Variants in MUL1 observed in about 807,000 individuals in gnomAD.
MUL1 encodes mitochondrial E3 ubiquitin protein ligase 1.
A neutral mutation model predicts 34.1 loss-of-function variants in MUL1; 30 were observed. That is an observed-to-expected ratio of 0.88 (90% CI 0.66 to 1.19). MUL1 has a LOEUF of 1.19. MUL1 is among the 50% of genes most tolerant of loss of function. MUL1 has a pLI of 0.00. For synonymous variants in MUL1, 191 were observed against 187.8 expected (o/e 1.02, Z -0.14); for missense variants, 419 against 450.5 (o/e 0.93, Z 0.63).
Position 20,500,671 on chromosome 1 carries a change from C to G in MUL1, c.*19G>C. ...GGGGCAGGGGTGCTTCCAGGTCAAGCTGTGCGGCTTCCAAACTATTAGCTG... is the reference window on the plus strand; with the variant it reads ...GGGGCAGGGGTGCTTCCAGGTCAAGGTGTGCGGCTTCCAAACTATTAGCTG... On this transcript the variant is annotated 3_prime_UTR_variant, in exon 4 of 4. Coordinates refer to ENST00000264198, the MANE Select transcript of MUL1 (RefSeq NM_024544.3). 6 of 1,535,330 alleles carry G rather than the reference C, an allele frequency of 3.9e-6. No homozygotes were observed. The highest frequency in any genetic ancestry group is 5.3e-6 in the Non-Finnish European group (6 of 1,139,906).
Position 20,508,036 on chromosome 1 carries a change from G to GC in MUL1, c.-13dup. 3.2e-6 allele frequency: 5 copies of GC among 1,577,540 alleles called. No homozygotes were observed. The highest frequency in any genetic ancestry group is 4.3e-6 in the Non-Finnish European group (5 of 1,163,238). Reference sequence around the variant, plus strand: ...CCTCCGCTCTCCATGACGGCGGCGAGCCCCGGTGGCCGACTGTGGCGCCAA... The same window carrying GC: ...CCTCCGCTCTCCATGACGGCGGCGAGCCCCCGGTGGCCGACTGTGGCGCCAA... On this transcript the variant is annotated 5_prime_UTR_variant, in exon 1 of 4. Coordinates refer to ENST00000264198, the MANE Select transcript of MUL1 (RefSeq NM_024544.3).
chr1:20,504,170 T>C (rs2051691095), intron 1 of MUL1, among the ~76,000 whole-genome samples: 1 of 152,124 alleles, frequency 6.6e-6, no homozygotes, highest in Non-Finnish European at 1.5e-5. Flanking sequence ...GCACCCAGTC[T>C]GTTCTACTTT....
In MUL1 at chr1:20,500,200, C is replaced by G. The variant is rs1229022168; in HGVS notation, c.*490G>C. The G allele has an allele frequency of 6.5e-6, 1 of 153,226 alleles. No homozygotes were observed. The highest frequency in any genetic ancestry group is 1.5e-5 in the Non-Finnish European group (1 of 68,846). The allele number at this position is 153,226 out of a possible 1,614,324, so 9.5% of individuals were successfully genotyped here. On this transcript the variant is annotated 3_prime_UTR_variant, in exon 4 of 4. Transcript: ENST00000264198. ...TCTGAAGAAAGACTGTTTCCCGGGGCATGAGGAAAAAGAAGAAAAGCTGCG... is the reference window on the plus strand; with the variant it reads ...TCTGAAGAAAGACTGTTTCCCGGGGGATGAGGAAAAAGAAGAAAAGCTGCG...
rs149157339 is a variant in MUL1 at position 20,501,122 on chromosome 1, G to A, written c.627C>T (p.Arg209=). Residue 209 remains arginine (R), a synonymous_variant, in exon 4 of 4, where the codon CGC becomes CGT. Coordinates refer to ENST00000264198, the MANE Select transcript of MUL1 (RefSeq NM_024544.3). This position sits in a 1 kb window ranked among gnomAD's most constrained non-coding sequence, Gnocchi z 4.2. The part of the protein sequence containing the change: ...GELVLDNNSV[R]LQPPKQGMQY... The stretch of plus-strand genomic sequence containing the variant: ...GCATGCCTTGTTTGGGCGGCTGCAG[G>A]CGGACAGAGTTGTTGTCCAGGACCA... The A allele has an allele frequency of 1.3e-5, 21 of 1,614,004 alleles. No individual in the cohort carries two copies. Among genetic ancestry groups the A allele is most frequent in the Non-Finnish European group, 1.1e-5 (13 of 1,180,024 alleles).
rs78839792 is a variant in MUL1, at chr1:20,504,212, A to G, written c.121-903T>C. On this transcript the variant is annotated intron_variant, in intron 1 of 3. Coordinates refer to ENST00000264198, the MANE Select transcript of MUL1 (RefSeq NM_024544.3). ...TTTTCATGCTCATAATTAAGTGAGCACGGTTCTTTCTGCTGCTGTCTTCCT... is the reference window on the plus strand; with the variant it reads ...TTTTCATGCTCATAATTAAGTGAGCGCGGTTCTTTCTGCTGCTGTCTTCCT... Among the ~76,000 whole-genome samples, 324 of 152,288 alleles carry G rather than the reference A, an allele frequency of 2.1e-3. 1 individual carries two copies. Among genetic ancestry groups the G allele is most frequent in the African/African-American group, 6.7e-3 (278 of 41,548 alleles).
chr1:20,504,989 T>G (rs1182762873), intron 1 of MUL1, among the ~76,000 whole-genome samples: 4 of 152,240 alleles, frequency 2.6e-5, no homozygotes, highest in African/African-American at 9.6e-5. Flanking sequence ...AATTCGAATT[T>G]TAAAGGGGGA....
In MUL1 at chr1:20,508,108, C is replaced by CCG. The variant is rs1157509212; in HGVS notation, c.-86_-85dup. 14 of 1,510,656 alleles carry CCG rather than the reference C, an allele frequency of 9.3e-6. No homozygotes were observed. In the South Asian group the frequency reaches 1.8e-4, roughly 19 times the overall value. The allele number at this position is 1,510,656 out of a possible 1,614,324, so 93.6% of individuals were successfully genotyped here. On this transcript the variant is annotated 5_prime_UTR_variant, in exon 1 of 4. Coordinates refer to ENST00000264198, the MANE Select transcript of MUL1 (RefSeq NM_024544.3). The stretch of plus-strand genomic sequence containing the variant: ...ACTCTCCACCTCCTTCCGACCAGGA[C>CCG]CGCACCCCCCCGGCCTAACCTGACC...
intron 1 of MUL1, among the ~76,000 whole-genome samples, chr1:20,505,623 AAAAGAAAGAAGAAAG>A (rs1015538474): frequency 1.3e-5 from 2 of 151,510 alleles, no homozygotes; most frequent in African/African-American, 4.8e-5. Context: ...GAAAAAGAAA[AAAAGAAAGAAGAAAG>A]AAATGAAGGA....
chr1:20,500,469 C>T lies in MUL1; in HGVS notation c.*221G>A, dbSNP rs1570331170. On this transcript the variant is annotated 3_prime_UTR_variant, in exon 4 of 4. Transcript: ENST00000264198. ...GCCACGGCATCCTCCCAGGGTGAGG[C>T]TCTGATGAGGCTGCACATGGACAGG... 9.5e-6 allele frequency: 5 copies of T among 526,150 alleles called. No individual in the cohort carries two copies. The highest frequency in any genetic ancestry group is 1.6e-5 in the Non-Finnish European group (5 of 307,160). 32.6% of individuals were successfully genotyped at this position (526,150 alleles called of 1,614,324 possible).
chr1:20,501,432 G>GAGAACT lies in MUL1; in HGVS notation c.330-19_330-14dup, dbSNP rs1270103853. The GAGAACT allele has an allele frequency of 6.2e-7, 1 of 1,603,556 alleles. No individual in the cohort carries two copies. Among genetic ancestry groups the GAGAACT allele is most frequent in the Non-Finnish European group, 8.5e-7 (1 of 1,173,534 alleles). On this transcript the variant is annotated splice_polypyrimidine_tract_variant and intron_variant, in intron 3 of 3. Coordinates refer to ENST00000264198, the MANE Select transcript of MUL1 (RefSeq NM_024544.3). The surrounding 1 kb of genome is among the most constrained non-coding windows in gnomAD (Gnocchi z 4.2). The stretch of plus-strand genomic sequence containing the variant: ...TGAGCAATCATTCCTAGAAGAATAA[G>GAGAACT]AGAACTAAAGATACAGGGTAGCAAA...
At position 20,501,525 on chromosome 1, in the gene MUL1, G is replaced by A. The variant is rs971220121; in HGVS notation, c.330-106C>T. 1.1e-5 allele frequency: 14 copies of A among 1,290,912 alleles called. No homozygotes were observed. The highest frequency in any genetic ancestry group is 1.3e-5 in the Non-Finnish European group (12 of 944,666). 80.0% of individuals were successfully genotyped at this position (1,290,912 alleles called of 1,614,324 possible). ...GGACAGCATATGGTCTGAAGTAACT[G>A]GAAGAAGACAGTAAGATCACTATCT... is the stretch of plus-strand genomic sequence containing the variant. On this transcript the variant is annotated intron_variant, in intron 3 of 3. Coordinates refer to ENST00000264198, the MANE Select transcript of MUL1 (RefSeq NM_024544.3). The surrounding 1 kb of genome is among the most constrained non-coding windows in gnomAD (Gnocchi z 4.2).
Position 20,508,012 on chromosome 1 carries a change from C to A in MUL1, c.13G>T (p.Gly5Trp). The change falls in exon 1 of 4, where the codon GGG becomes TGG. Residue 5 changes from glycine to tryptophan, a missense_variant. By Grantham distance (184) the Gly-to-Trp change is radical. Coordinates refer to ENST00000264198, the MANE Select transcript of MUL1 (RefSeq NM_024544.3). The stretch of plus-strand genomic sequence containing the variant: ...ATGAACTGGCACAGCGAGGGCCGCC[C>A]TCCGCTCTCCATGACGGCGGCGAGC... MESG[G>W]RPSLCQFILL... 6.3e-7 allele frequency: 1 copy of A among 1,584,928 alleles called. No individual in the cohort carries two copies. The highest frequency in any genetic ancestry group is 2.3e-5 in the East Asian group (1 of 43,912).
Position 20,503,322 on chromosome 1 carries a change from A to C in MUL1, c.121-13T>G, listed in dbSNP as rs758166663. 1 of 1,523,236 alleles carries C rather than the reference A, an allele frequency of 6.6e-7. No homozygotes were observed. The highest frequency in any genetic ancestry group is 8.9e-7 in the Non-Finnish European group (1 of 1,121,638). 94.4% of individuals were successfully genotyped at this position (1,523,236 alleles called of 1,614,324 possible). ...CTTTTTTAGCTCCCTAAATAAAAAA[A>C]AAAAATTAAATTAATTGGCCATTGA... On this transcript the variant is annotated splice_polypyrimidine_tract_variant and intron_variant, in intron 1 of 3. Transcript: ENST00000264198.
rs147902092 is a variant in MUL1, at chr1:20,501,383, G to A, written c.366C>T (p.Asn122=). The A allele has an allele frequency of 3.9e-5, 63 of 1,613,802 alleles. No individual in the cohort carries two copies. Among genetic ancestry groups the A allele is most frequent in the Non-Finnish European group, 5.3e-5 (62 of 1,179,898 alleles). ...DCSKIIHQRT[N]TVPFDLVPHE... is the part of the protein sequence containing the mutation. ...GGGGCACCAGGTCAAAGGGCACTGT[G>A]TTGGTCCTCTGATGAATGATCTTTG... The change falls in exon 4 of 4, where the codon AAC becomes AAT. Residue 122 remains asparagine, a synonymous_variant. Transcript: ENST00000264198. The surrounding 1 kb of genome is among the most constrained non-coding windows in gnomAD (Gnocchi z 4.2).
chr1:20,507,781 C>A lies in MUL1; in HGVS notation c.120+124G>T, dbSNP rs192533235. 1.3e-3 allele frequency: 1,784 copies of A among 1,374,124 alleles called. 1 individual carries two copies. Among genetic ancestry groups the A allele is most frequent in the Middle Eastern group, 2.8e-3 (15 of 5,270 alleles). 85.1% of individuals were successfully genotyped at this position (1,374,124 alleles called of 1,614,324 possible). Reference sequence around the variant, plus strand: ...CCTCCATCTACTGGCTGGATGACACCCTTCAGAGGCTGTTTCCTTTTTTGG... The same window carrying A: ...CCTCCATCTACTGGCTGGATGACACACTTCAGAGGCTGTTTCCTTTTTTGG... On this transcript the variant is annotated intron_variant, in intron 1 of 3. Transcript: ENST00000264198.
Position 20,502,130 on chromosome 1 carries a change from C to T in MUL1, c.268G>A (p.Val90Ile), listed in dbSNP as rs200387587. Residue 90 changes from valine (V) to isoleucine (I), a missense_variant, in exon 3 of 4, where the codon GTA becomes ATA. Transcript: ENST00000264198. The stretch of plus-strand genomic sequence containing the variant: ...TCCTGAAGTGTCAGCCGCTGAATTA[C>T]CCCCTTGCAGTTTTCCACAAACTGG... ...NSQFVENCKG[V>I]IQRLTLQEHK... is the part of the protein sequence containing the mutation. 5 of 1,614,054 alleles carry T rather than the reference C, an allele frequency of 3.1e-6. No individual in the cohort carries two copies. The highest frequency in any genetic ancestry group is 1.7e-6 in the Non-Finnish European group (2 of 1,180,042).
chr1:20,503,259 T>C lies in MUL1; in HGVS notation c.171A>G (p.Glu57=). 1.2e-6 allele frequency: 2 copies of C among 1,610,598 alleles called. No homozygotes were observed. Among genetic ancestry groups the C allele is most frequent in the East Asian group, 2.2e-5 (1 of 44,766 alleles). The change falls in exon 2 of 4, where the codon GAA becomes GAG. Residue 57 remains glutamate (E), a synonymous_variant. Coordinates refer to ENST00000264198, the MANE Select transcript of MUL1 (RefSeq NM_024544.3). ...LGEDLKSILS[E]APGKCVPYAV... is the part of the protein sequence containing the mutation. ...CATAAGGCACGCATTTTCCTGGAGC[T>C]TCTGAAAGAATACTCTTTAAATCTT...
At position 20,503,221 on chromosome 1, in the gene MUL1, C is replaced by T. The variant is rs757144052; in HGVS notation, c.208+1G>A. On this transcript the variant is annotated splice_donor_variant, in intron 2 of 3. Transcript: ENST00000264198. LOFTEE classifies it high-confidence loss of function. Reference sequence around the variant, plus strand: ...TTCCATTGACCAATAAGCAAACATACCTTCTATAACAGCATAAGGCACGCA... The same window carrying T: ...TTCCATTGACCAATAAGCAAACATATCTTCTATAACAGCATAAGGCACGCA... The T allele has an allele frequency of 1.4e-5, 22 of 1,583,174 alleles. No individual in the cohort carries two copies. The Admixed American group carries it at 3.3e-4, about 24-fold the overall frequency.
In MUL1 at chr1:20,507,973, T is replaced by C. The variant is rs974857383; in HGVS notation, c.52A>G (p.Thr18Ala). 2.5e-6 allele frequency: 4 copies of C among 1,593,318 alleles called. No individual in the cohort carries two copies. The highest frequency in any genetic ancestry group is 3.4e-6 in the Non-Finnish European group (4 of 1,171,044). Residue 18 changes from threonine (T) to alanine (A), a missense_variant, in exon 1 of 4, where the codon ACC becomes GCC. Coordinates refer to ENST00000264198, the MANE Select transcript of MUL1 (RefSeq NM_024544.3). ...SLCQFILLGT[T>A]SVVTAALYSV... ...TACAGGGCGGCGGTGACCACAGAGG[T>C]GGTGCCCAGGAGGATGAACTGGCAC...
Sources: allele counts gnomAD v4.1 joint callset (sites outside exome capture counted in the v4.1 genomes callset), GRCh38; gene constraint gnomAD v4.1.1; non-coding constraint Gnocchi (gnomAD v3.1); transcripts MANE v1.5; gene names NCBI Gene and HGNC (gene_info 2026-07-23, HGNC 2026-07-21).